Variants in GALNT17 observed in about 807,000 individuals in gnomAD.
The protein encoded by GALNT17 is UDP-GalNAc:polypeptide N-acetylgalactosaminyltransferase-like 3.
GALNT17 carries 29 observed loss-of-function variants against 63.7 expected under a neutral mutation model. The ratio of observed to expected loss-of-function variants is 0.46; its 90% CI spans 0.34 to 0.62. The LOEUF (loss-of-function observed/expected upper bound fraction) is 0.62, where lower values mean the gene tolerates loss of function less well. Ranked by LOEUF, GALNT17 falls within the 20% of genes least tolerant of loss-of-function variation. GALNT17 has a pLI of 0.01. For synonymous variants in GALNT17, 305 were observed against 318.3 expected (o/e 0.96, Z 0.45); for missense variants, 603 against 799.6 (o/e 0.75, Z 2.97).
chr7:71,584,345 G>A (rs1158351213), intron 6 of GALNT17, among the ~76,000 whole-genome samples: 1 of 152,022 alleles, frequency 6.6e-6, no homozygotes, highest in Non-Finnish European at 1.5e-5. Flanking sequence ...CATTTTTGAT[G>A]GAAAACTTGA....
chr7:71,294,844 G>T (rs545801250), intron 1 of GALNT17, among the ~76,000 whole-genome samples: 28 of 152,138 alleles, frequency 1.8e-4, no homozygotes, highest in African/African-American at 6.5e-4. Flanking sequence ...GAAAAGAGTT[G>T]TTTTGTTCAT....
intron 9 of GALNT17, among the ~76,000 whole-genome samples, chr7:71,687,641 C>A (rs1791381829): frequency 6.6e-6 from 1 of 152,138 alleles, no homozygotes; most frequent in African/African-American, 2.4e-5. Flanking sequence ...AACCCAATTC[C>A]TAGAAATCAC....
At chr7:71,300,058 G>A (rs1009752787) in intron 1 of GALNT17, among the ~76,000 whole-genome samples, 2 of 152,132 alleles carry the variant, frequency 1.3e-5, no homozygotes, top group African/African-American at 2.4e-5. Context: ...GATCAGAGTC[G>A]TAAGCCACTG....
chr7:71,670,109 G>A lies in GALNT17; in HGVS notation c.1404G>A (p.Glu468=), dbSNP rs1791046144. Residue 468 remains glutamate (E), a splice_region_variant and synonymous_variant, in exon 8 of 11, where the codon GAG becomes GAA. Transcript: ENST00000333538. ...ACAATAATACCGTTGCTTACGGGGA[G>A]GTAATTCAGACCGTGCATGCTTTTG... The part of the protein sequence containing the change: ...RRYNNTVAYG[E]LRNNKAKDVC... The A allele has an allele frequency of 6.2e-7, 1 of 1,614,012 alleles. No homozygotes were observed. The highest frequency in any genetic ancestry group is 8.5e-7 in the Non-Finnish European group (1 of 1,179,964).
intron 1 of GALNT17, among the ~76,000 whole-genome samples, chr7:71,222,539 G>A (rs763213231): frequency 3.8e-4 from 57 of 151,944 alleles, no homozygotes; most frequent in South Asian, 8.4e-4. Context: ...CAATTAACCC[G>A]CCTCTGCCTC....
At chr7:71,289,434 T>A (rs1790937046) in intron 1 of GALNT17, among the ~76,000 whole-genome samples, 1 of 152,112 alleles carries the variant, frequency 6.6e-6, no homozygotes, top group African/African-American at 2.4e-5. Context: ...CGTGATAAAG[T>A]TCACATAACA....
Position 71,154,739 on chromosome 7 carries a change from G to C in GALNT17, c.238+21699G>C, listed in dbSNP as rs556376918. On this transcript the variant is annotated intron_variant, in intron 1 of 10. Coordinates refer to ENST00000333538, the MANE Select transcript of GALNT17 (RefSeq NM_022479.3). ...CTACAGGCGCCCGCCACCATGCCCG[G>C]CTAATTTTTTGTATTTTTAGTAGAG... is the stretch of plus-strand genomic sequence containing the variant. 6.6e-4 allele frequency among the ~76,000 whole-genome samples: 100 copies of C among 151,274 alleles called. 1 individual carries two copies. Among genetic ancestry groups the C allele is most frequent in the African/African-American group, 2.4e-3 (97 of 40,760 alleles).
chr7:71,610,259 G>A (rs1790106120), intron 6 of GALNT17, among the ~76,000 whole-genome samples: 1 of 152,164 alleles, frequency 6.6e-6, no homozygotes, highest in African/African-American at 2.4e-5. Context: ...GGTAAGTCAA[G>A]GTAGGAGGAC....
chr7:71,375,092 G>A (rs545950278), intron 2 of GALNT17, among the ~76,000 whole-genome samples: 3 of 151,856 alleles, frequency 2.0e-5, no homozygotes, highest in Admixed American at 6.6e-5. Context: ...CACCCACCTC[G>A]GCCTCCCAAA....
intron 5 of GALNT17, among the ~76,000 whole-genome samples, chr7:71,508,615 G>A (rs1236641890): frequency 5.9e-5 from 9 of 152,080 alleles, no homozygotes; most frequent in Admixed American, 3.9e-4. Context: ...TATCATTGTG[G>A]GTGTAGGAGA....
intron 1 of GALNT17, among the ~76,000 whole-genome samples, chr7:71,167,004 A>AGCT (rs1226886304): frequency 9.3e-5 from 14 of 150,484 alleles, no homozygotes; most frequent in African/African-American, 3.4e-4. Context: ...CCTCCCCAGT[A>AGCT]GCTGGGACTA....
intron 5 of GALNT17, among the ~76,000 whole-genome samples, chr7:71,479,856 A>G (rs1057028162): frequency 6.6e-6 from 1 of 152,178 alleles, no homozygotes; most frequent in Non-Finnish European, 1.5e-5. Context: ...CTTCCAAAGC[A>G]AACACCACAG....
At chr7:71,552,010 TTTTA>T (rs202005508) in intron 5 of GALNT17, among the ~76,000 whole-genome samples, 9,038 of 128,028 alleles carry the variant, frequency 0.071, 457 homozygotes, top group African/African-American at 0.15. Context: ...AGGTTGCTCT[TTTTA>T]TTTATTTATT....
intron 5 of GALNT17, among the ~76,000 whole-genome samples, chr7:71,566,333 C>G (rs780604435): frequency 6.6e-6 from 1 of 152,080 alleles, no homozygotes; most frequent in Non-Finnish European, 1.5e-5. Context: ...TTTTAACTAC[C>G]CTGTTTGCCT....
In GALNT17 at chr7:71,621,544, T is replaced by TAGA. The variant is rs1219584683; in HGVS notation, c.1081-43867_1081-43866insAGA. On this transcript the variant is annotated intron_variant, in intron 6 of 10. Transcript: ENST00000333538. The stretch of plus-strand genomic sequence containing the variant: ...ATGGATGGATGGATGGATTGATGGA[T>TAGA]TGATGGATAGATGGATGGATGGATG... Among the ~76,000 whole-genome samples the TAGA allele has an allele frequency of 4.5e-3, 613 of 135,064 alleles. 11 individuals are homozygous for TAGA. Among genetic ancestry groups the TAGA allele is most frequent in the African/African-American group, 0.014 (505 of 36,360 alleles). The allele number at this position is 135,064 out of a possible 152,430, so 88.6% of individuals were successfully genotyped here.
intron 1 of GALNT17, among the ~76,000 whole-genome samples, chr7:71,198,547 T>C (rs952788559): frequency 2.0e-5 from 3 of 152,360 alleles, no homozygotes; most frequent in Admixed American, 2.0e-4. Context: ...TAACCTGGAC[T>C]ACCAGTAAGT....
intron 5 of GALNT17, among the ~76,000 whole-genome samples, chr7:71,434,420 G>A (rs937789744): frequency 2.0e-5 from 3 of 152,166 alleles, no homozygotes; most frequent in Non-Finnish European, 4.4e-5. Context: ...AGTGTGTTGT[G>A]GGTAAGGTCA....
chr7:71,570,281 C>G (rs530067445), intron 5 of GALNT17, among the ~76,000 whole-genome samples: 8 of 152,244 alleles, frequency 5.3e-5, no homozygotes, highest in African/African-American at 1.9e-4. Flanking sequence ...CTCCTCTCTG[C>G]GGGCTGAGGT....
At chr7:71,639,607 C>T (rs906522263) in intron 6 of GALNT17, among the ~76,000 whole-genome samples, 3 of 152,146 alleles carry the variant, frequency 2.0e-5, no homozygotes, top group African/African-American at 4.8e-5. Flanking sequence ...TAATTGTGAA[C>T]GGCCCGGGAA....
Sources: allele counts gnomAD v4.1 joint callset (sites outside exome capture counted in the v4.1 genomes callset), GRCh38; gene constraint gnomAD v4.1.1; transcripts MANE v1.5; gene names NCBI Gene and HGNC (gene_info 2026-07-23, HGNC 2026-07-21).